Variants in MGAT4C observed in about 807,000 individuals in gnomAD.
MGAT4C encodes the protein alpha-1,3-mannosyl-glycoprotein 4-beta-N-acetylglucosaminyltransferase C.
A neutral mutation model predicts 40.1 loss-of-function variants in MGAT4C; 19 were observed. The observed-to-expected ratio is 0.47, with a 90% CI of 0.33 to 0.70. The LOEUF (loss-of-function observed/expected upper bound fraction) is 0.70. Ranked by LOEUF, MGAT4C falls within the 30% of genes least tolerant of loss-of-function variation. The probability of loss-of-function intolerance (pLI) is 0.02; values close to 1 mark genes in which losing one functional copy is unlikely to be tolerated. For synonymous variants in MGAT4C, 181 were observed against 187.1 expected, an observed-to-expected ratio of 0.97 and a Z score of 0.27; for missense variants, 491 against 563.2, an observed-to-expected ratio of 0.87 and a Z score of 1.30.
intron 1 of MGAT4C, among the ~76,000 whole-genome samples, chr12:86,164,322 T>C (rs1003525292): frequency 2.6e-5 from 4 of 152,202 alleles, no homozygotes; most frequent in Admixed American, 2.6e-4. Context: ...TTAGGTGATG[T>C]CCAATATCTT....
At chr12:86,162,039 C>A (rs186223627) in intron 1 of MGAT4C, among the ~76,000 whole-genome samples, 199 of 152,234 alleles carry the variant, frequency 1.3e-3, no homozygotes, top group African/African-American at 4.6e-3. Context: ...TACTTACACA[C>A]TGTTTATAGT....
At position 86,304,461 on chromosome 12, in the gene MGAT4C, A is replaced by T. The variant is rs1395558972; in HGVS notation, c.-57+29604T>A. 2.7e-5 allele frequency among the ~76,000 whole-genome samples: 4 copies of T among 150,666 alleles called. 1 individual carries two copies. The highest frequency in any genetic ancestry group is 7.5e-5 in the African/African-American group (3 of 40,054). ...ATAGCAAAATCAAAAATTTATACTT[A>T]TTCCAACTGTCAAAACTTATATGCA... On this transcript the variant is annotated intron_variant, in intron 4 of 7. Coordinates refer to the MGAT4C transcript ENST00000548651.
At chr12:86,469,088 C>T (rs1342110710) in intron 2 of MGAT4C, among the ~76,000 whole-genome samples, 2 of 152,002 alleles carry the variant, frequency 1.3e-5, no homozygotes, top group Non-Finnish European at 2.9e-5. Flanking sequence ...TTGATGTATC[C>T]TATGGCCTAA....
intron 2 of MGAT4C, among the ~76,000 whole-genome samples, chr12:86,005,935 A>C (rs954863222): frequency 1.3e-5 from 2 of 152,180 alleles, no homozygotes; most frequent in African/African-American, 4.8e-5. Flanking sequence ...GTGGAAAAAT[A>C]TAGTGCACTC....
At chr12:86,799,478 T>A (rs1390535929) in intron 1 of MGAT4C, among the ~76,000 whole-genome samples, 2 of 151,866 alleles carry the variant, frequency 1.3e-5, no homozygotes, top group East Asian at 3.9e-4. Context: ...ATACTTTCTA[T>A]CTCACAGCTG....
intron 3 of MGAT4C, among the ~76,000 whole-genome samples, chr12:86,393,413 A>G (rs207473221): frequency 6.6e-6 from 1 of 152,236 alleles, no homozygotes; most frequent in Non-Finnish European, 1.5e-5. Context: ...AAGGGATCAT[A>G]CAATCCAATA....
chr12:86,484,637 G>A (rs1164911826), intron 2 of MGAT4C, among the ~76,000 whole-genome samples: 2 of 152,236 alleles, frequency 1.3e-5, no homozygotes, highest in African/African-American at 4.8e-5. Context: ...AACACTGAGA[G>A]GGGTGAGAAA....
At chr12:86,180,540 A>AG (rs1273817913) in intron 1 of MGAT4C, among the ~76,000 whole-genome samples, 2 of 152,320 alleles carry the variant, frequency 1.3e-5, no homozygotes, top group Non-Finnish European at 1.5e-5. Context: ...GTAAAGACAC[A>AG]GGGGCAGAGC....
intron 1 of MGAT4C, among the ~76,000 whole-genome samples, chr12:86,160,001 C>T (rs1007516457): frequency 1.3e-5 from 2 of 151,918 alleles, no homozygotes; most frequent in African/African-American, 2.4e-5. Flanking sequence ...TTCTTGGTTA[C>T]GTTGATCTTT....
rs1479220791 is a variant in MGAT4C at position 86,289,923 on chromosome 12, C to CA, written c.-57+44141dup. Reference sequence around the variant, plus strand: ...AGAAAGTTAATAAAATGTGGACTTACAGGCCCACCCATAACCACTCTGTAG... The same window carrying CA: ...AGAAAGTTAATAAAATGTGGACTTACAAGGCCCACCCATAACCACTCTGTAG... On this transcript the variant is annotated intron_variant, in intron 4 of 7. Transcript: ENST00000548651. Among the ~76,000 whole-genome samples the CA allele has an allele frequency of 2.0e-5, 3 of 152,286 alleles. No homozygotes were observed. In the East Asian group the frequency reaches 5.8e-4, roughly 29 times the overall value.
At chr12:86,783,214 T>G (rs80107375) in intron 1 of MGAT4C, among the ~76,000 whole-genome samples, 2,917 of 152,172 alleles carry the variant, frequency 0.019, 80 homozygotes, top group African/African-American at 0.066. Context: ...ACATACAAAT[T>G]AAATGCATAA....
intron 1 of MGAT4C, among the ~76,000 whole-genome samples, chr12:86,141,561 T>C (rs17284925): frequency 0.27 from 41,151 of 151,946 alleles, 6,465 homozygotes; most frequent in Admixed American, 0.38. Flanking sequence ...TACCTTACTA[T>C]TGTATGGGCC....
chr12:86,589,390 C>A lies in MGAT4C; in HGVS notation c.-229+137819G>T, dbSNP rs986058112. On this transcript the variant is annotated intron_variant, in intron 2 of 7. Transcript: ENST00000548651. ...TCTCTGAATTGACCAATAACAGGAG[C>A]TGAAATTGTGGCAATAATCAATACC... is the stretch of plus-strand genomic sequence containing the variant. 1.9e-4 allele frequency among the ~76,000 whole-genome samples: 29 copies of A among 152,158 alleles called. 1 individual carries two copies. The highest frequency in any genetic ancestry group is 6.5e-4 in the African/African-American group (27 of 41,508).
intron 4 of MGAT4C, among the ~76,000 whole-genome samples, chr12:86,322,808 T>A (rs1954428275): frequency 3.9e-5 from 6 of 152,116 alleles, no homozygotes; most frequent in Admixed American, 3.9e-4. Context: ...TGCAAAATTA[T>A]ACTAGCATGA....
At chr12:86,763,800 T>G (rs1951448277) in intron 1 of MGAT4C, among the ~76,000 whole-genome samples, 1 of 152,104 alleles carries the variant, frequency 6.6e-6, no homozygotes, top group Admixed American at 6.5e-5. Flanking sequence ...TAGTTAAAAT[T>G]ACACTTATAG....
chr12:86,335,593 C>A (rs952513128), intron 3 of MGAT4C, among the ~76,000 whole-genome samples: 7 of 152,074 alleles, frequency 4.6e-5, no homozygotes, highest in African/African-American at 1.7e-4. Flanking sequence ...TAAAAATCAT[C>A]TCTAGATTGA....
intron 3 of MGAT4C, among the ~76,000 whole-genome samples, chr12:86,369,194 C>T (rs892519951): frequency 1.3e-5 from 2 of 151,766 alleles, no homozygotes; most frequent in Non-Finnish European, 2.9e-5. Flanking sequence ...TTTAATTTTC[C>T]ATTGCATGGA....
chr12:86,041,514 T>C (rs549617690), intron 2 of MGAT4C, among the ~76,000 whole-genome samples: 16 of 152,308 alleles, frequency 1.1e-4, no homozygotes, highest in Admixed American at 3.3e-4. Flanking sequence ...TTCTGGTATG[T>C]TGTATCTTTG....
At chr12:86,414,159 T>C (rs534090702) in intron 3 of MGAT4C, among the ~76,000 whole-genome samples, 2 of 152,166 alleles carry the variant, frequency 1.3e-5, no homozygotes, top group South Asian at 4.1e-4. Flanking sequence ...CATTTGATAG[T>C]TTTTATTCAT....
Sources: allele counts gnomAD v4.1 joint callset (sites outside exome capture counted in the v4.1 genomes callset), GRCh38; gene constraint gnomAD v4.1.1; transcripts MANE v1.5; gene names NCBI Gene and HGNC (gene_info 2026-07-23, HGNC 2026-07-21).